ITSN1: variants seen among roughly 807,000 people sequenced by gnomAD.
The protein encoded by ITSN1 is intersectin 1, also known as intersectin-1.
Under a neutral mutation model 239.8 loss-of-function variants are expected in ITSN1, and 58 were observed. The observed-to-expected ratio is 0.24, with a 90% CI of 0.20 to 0.30. ITSN1 has a LOEUF of 0.30. Among genes scored for constraint, ITSN1 ranks in the 10% least tolerant of loss-of-function variants. The pLI is 1.00. For missense variants in ITSN1, 1,558 were observed against 2,103.3 expected, an observed-to-expected ratio of 0.74 and a Z score of 5.07; for synonymous variants, 780 against 770.8, an observed-to-expected ratio of 1.01 and a Z score of -0.20.
At chr21:33,657,396 C>G (rs1454323771) in intron 1 of ITSN1, among the ~76,000 whole-genome samples, 1 of 152,146 alleles carries the variant, frequency 6.6e-6, no homozygotes, top group Non-Finnish European at 1.5e-5. Flanking sequence ...ATTTCCTTGC[C>G]CTGTTGCTCT....
intron 29 of ITSN1, among the ~76,000 whole-genome samples, chr21:33,845,426 G>A (rs903764055): frequency 1.3e-5 from 2 of 151,782 alleles, no homozygotes; most frequent in East Asian, 1.9e-4. Context: ...CTTCCCCCAC[G>A]CTGCAGGCAG....
chr21:33,823,113 C>G (rs1354952154), intron 24 of ITSN1, among the ~76,000 whole-genome samples: 1 of 152,198 alleles, frequency 6.6e-6, no homozygotes, highest in Non-Finnish European at 1.5e-5. Context: ...GTGCTCAGCA[C>G]AGAGTAGGTA....
At chr21:33,645,564 C>T (rs905654372) in intron 1 of ITSN1, among the ~76,000 whole-genome samples, 1 of 152,108 alleles carries the variant, frequency 6.6e-6, no homozygotes, top group Admixed American at 6.5e-5. Flanking sequence ...GGATCTGGTT[C>T]GCTTGAGCCC....
At chr21:33,815,891 GA>G (rs1555933739) in intron 22 of ITSN1, among the ~76,000 whole-genome samples, 1 of 43,846 alleles carries the variant, frequency 2.3e-5, no homozygotes, top group Non-Finnish European at 7.9e-5. Flanking sequence ...ATCCGACAAA[GA>G]AGAATGAAGA....
At chr21:33,667,164 C>T (rs1441078829) in intron 1 of ITSN1, among the ~76,000 whole-genome samples, 1 of 151,482 alleles carries the variant, frequency 6.6e-6, no homozygotes, top group Non-Finnish European at 1.5e-5. Context: ...TTTTTCTCCA[C>T]AGGTGTAAAG....
intron 4 of ITSN1, among the ~76,000 whole-genome samples, chr21:33,726,091 T>A (rs372424207): frequency 1.3e-5 from 2 of 152,172 alleles, no homozygotes; most frequent in South Asian, 4.1e-4. Context: ...CCTCCCAGGT[T>A]CAAGTGATTC....
chr21:33,685,238 T>A (rs2091181411), intron 1 of ITSN1, among the ~76,000 whole-genome samples: 1 of 152,204 alleles, frequency 6.6e-6, no homozygotes, highest in South Asian at 2.1e-4. Context: ...GAAAGGAGTT[T>A]ATGTTTTCAC....
intron 1 of ITSN1, among the ~76,000 whole-genome samples, chr21:33,696,420 CT>C (rs1043498080): frequency 6.6e-6 from 1 of 152,180 alleles, no homozygotes; most frequent in African/African-American, 2.4e-5. Flanking sequence ...ATCTTATTGT[CT>C]TTGCTGTCCA....
intron 33 of ITSN1, among the ~76,000 whole-genome samples, chr21:33,871,739 C>CAA (rs59249373): frequency 2.6e-4 from 36 of 137,932 alleles, no homozygotes; most frequent in African/African-American, 9.7e-4. Flanking sequence ...GACTCAGTCT[C>CAA]AAAAAAAAAA....
intron 1 of ITSN1, among the ~76,000 whole-genome samples, chr21:33,701,767 C>T (rs888165086): frequency 1.3e-5 from 2 of 151,748 alleles, no homozygotes; most frequent in African/African-American, 4.8e-5. Context: ...TGCACTCCAG[C>T]CTGAGTAACA....
intron 1 of ITSN1, among the ~76,000 whole-genome samples, chr21:33,702,125 T>TCC (rs2092049518): frequency 7.5e-6 from 1 of 133,356 alleles, no homozygotes; most frequent in African/African-American, 3.0e-5. Flanking sequence ...TTTTTTTTTT[T>TCC]TTTTTTTTTA....
chr21:33,858,583 T>A, intron 30 of ITSN1, 103 bp from the exon 31 acceptor site: 1 of 697,632 alleles, frequency 1.4e-6, no homozygotes. Context: ...TCAGCCAAGG[T>A]ACAGACACCT....
chr21:33,787,806 C>T (rs766028726), intron 16 of ITSN1, among the ~76,000 whole-genome samples: 4 of 152,174 alleles, frequency 2.6e-5, no homozygotes, highest in Non-Finnish European at 4.4e-5. Context: ...GTTGCTTTGT[C>T]ATAATTAGTA....
intron 29 of ITSN1, chr21:33,838,107 G>T: frequency 1.0e-6 from 1 of 985,708 alleles, no homozygotes; most frequent in Non-Finnish European, 1.2e-6. Context: ...GTCCGTTTGT[G>T]TGTTAGATAT....
At chr21:33,690,059 G>A (rs1018066245) in intron 1 of ITSN1, among the ~76,000 whole-genome samples, 3 of 151,324 alleles carry the variant, frequency 2.0e-5, no homozygotes, top group Admixed American at 1.3e-4. Flanking sequence ...CAAGGCAGGC[G>A]AATCACTTGA....
In ITSN1 at chr21:33,811,043, C is replaced by T. The variant is rs1300529219; in HGVS notation, c.2388C>T (p.Phe796=). 1.2e-6 allele frequency: 2 copies of T among 1,614,176 alleles called. No individual in the cohort carries two copies. The highest frequency in any genetic ancestry group is 1.1e-5 in the South Asian group (1 of 91,076). Residue 796 remains phenylalanine (F), a synonymous_variant, in exon 21 of 40, where the codon TTC becomes TTT. Coordinates refer to ENST00000381318, the MANE Select transcript of ITSN1 (RefSeq NM_003024.3). The part of the protein sequence containing the change: ...GGELKGKTGW[F]PANYAEKIPE... ...AATTAAAAGGAAAGACAGGGTGGTT[C>T]CCTGCAAACTATGCAGAGAAAATCC... is the stretch of plus-strand genomic sequence containing the variant.
At chr21:33,742,431 T>G (rs1442640308) in intron 5 of ITSN1, among the ~76,000 whole-genome samples, 1 of 152,216 alleles carries the variant, frequency 6.6e-6, no homozygotes, top group African/African-American at 2.4e-5. Context: ...TGTGTACATT[T>G]GTAACAGTGC....
chr21:33,701,099 G>A (rs553602211), intron 1 of ITSN1, among the ~76,000 whole-genome samples: 4 of 152,022 alleles, frequency 2.6e-5, no homozygotes, highest in South Asian at 2.1e-4. Context: ...ACCAAAGCAT[G>A]CCTGGTCTCA....
At chr21:33,767,572 C>T (rs2068813019) in intron 10 of ITSN1, 141 bp from the exon 11 acceptor site, 1 of 449,632 alleles carries the variant, frequency 2.2e-6, no homozygotes, top group Non-Finnish European at 4.0e-6. Flanking sequence ...TAGAGAAGAC[C>T]AAATCTTTAT....
Sources: allele counts gnomAD v4.1 joint callset (sites outside exome capture counted in the v4.1 genomes callset), GRCh38; gene constraint gnomAD v4.1.1; transcripts MANE v1.5; gene names NCBI Gene and HGNC (gene_info 2026-07-23, HGNC 2026-07-21).